DCAF4: variants seen among roughly 807,000 people sequenced by gnomAD.
DCAF4 encodes DDB1 and CUL4 associated factor 4.
DCAF4 carries 37 observed loss-of-function variants against 60.9 expected under a neutral mutation model. That is an observed-to-expected ratio of 0.61 (90% CI 0.47 to 0.80). DCAF4 has a LOEUF of 0.80. Ranked by LOEUF, DCAF4 falls within the 30% of genes least tolerant of loss-of-function variation. DCAF4 has a pLI of 0.00. For missense variants in DCAF4, 577 were observed against 650.0 expected, an observed-to-expected ratio of 0.89 and a Z score of 1.22; for synonymous variants, 243 against 254.8, an observed-to-expected ratio of 0.95 and a Z score of 0.44.
At chr14:72,952,023 T>C in intron 9 of DCAF4, 146 bp downstream of exon 9, 1 of 719,356 alleles carries the variant, frequency 1.4e-6, no homozygotes, top group Non-Finnish European at 2.2e-6. Context: ...CAGAAGCATG[T>C]GTTTTTTTTA....
rs1567326753 is a variant in DCAF4, at chr14:72,954,265, G to A, written c.907+3G>A. 1 of 1,614,204 alleles carries A rather than the reference G, an allele frequency of 6.2e-7. No homozygotes were observed. The highest frequency in any genetic ancestry group is 1.6e-4 in the Middle Eastern group (1 of 6,062). On this transcript the variant is annotated splice_donor_region_variant and intron_variant, in intron 10 of 13. Transcript: ENST00000358377. ...AGCAAATAACTGCTTCAGTACAGGTGAGCCTGGCTCCCCAGGTGCCCAGAG... is the reference window on the plus strand; with the variant it reads ...AGCAAATAACTGCTTCAGTACAGGTAAGCCTGGCTCCCCAGGTGCCCAGAG...
At chr14:72,961,403 C>T (rs1238890704), downstream of DCAF4, among the ~76,000 whole-genome samples, 1 of 152,204 alleles carries the variant, frequency 6.6e-6, no homozygotes, top group Non-Finnish European at 1.5e-5. Context: ...GTAAACCCTC[C>T]TCCCAGCCCA....
At chr14:72,937,158 C>G (rs1318828660) in intron 1 of DCAF4, among the ~76,000 whole-genome samples, 1 of 152,060 alleles carries the variant, frequency 6.6e-6, no homozygotes, top group African/African-American at 2.4e-5. Context: ...GGAACACTTA[C>G]AAATGAAAAA....
chr14:72,958,745 G>A lies in DCAF4; in HGVS notation c.1428G>A (p.Arg476=), dbSNP rs772975815. Reference sequence around the variant, plus strand: ...TCTCGTCGCGGCTGGGGGGCTCCCGGGGCGCGCCGGGGCTGCTCATGGCTG... The same window carrying A: ...TCTCGTCGCGGCTGGGGGGCTCCCGAGGCGCGCCGGGGCTGCTCATGGCTG... ...VAFSSRLGGS[R]GAPGLLMAVG... Residue 476 remains arginine, a synonymous_variant, in exon 14 of 14, where the codon CGG becomes CGA. Transcript: ENST00000358377. 5 of 1,609,956 alleles carry A rather than the reference G, an allele frequency of 3.1e-6. No homozygotes were observed. In the African/African-American group the frequency reaches 6.7e-5, roughly 22 times the overall value.
In DCAF4 at chr14:72,955,633, A is replaced by G; in HGVS notation, c.1116A>G (p.Ala372=). 1.2e-6 allele frequency: 2 copies of G among 1,614,186 alleles called. No individual in the cohort carries two copies. Among genetic ancestry groups the G allele is most frequent in the Non-Finnish European group, 1.7e-6 (2 of 1,180,030 alleles). ...CCACCCGCCTGTTTCATGATTCAGCAGTGACCTCTGTGCGGATCCTCCAAG... is the reference window on the plus strand; with the variant it reads ...CCACCCGCCTGTTTCATGATTCAGCGGTGACCTCTGTGCGGATCCTCCAAG... ...WKATRLFHDS[A]VTSVRILQDE... Residue 372 remains alanine, a synonymous_variant, in exon 12 of 14, where the codon GCA becomes GCG. Coordinates refer to ENST00000358377, the MANE Select transcript of DCAF4 (RefSeq NM_015604.4).
rs1263243792 is a variant in DCAF4, at chr14:72,958,914, TC to T, written c.*112del. The T allele has an allele frequency of 7.0e-7, 1 of 1,433,738 alleles. No individual in the cohort carries two copies. The highest frequency in any genetic ancestry group is 1.6e-5 in the South Asian group (1 of 62,796). 88.8% of individuals were successfully genotyped at this position (1,433,738 alleles called of 1,614,324 possible). A position where few individuals can be genotyped will look rare whatever the true frequency, so the allele number is the denominator to read the frequency against. Reference sequence around the variant, plus strand: ...TTAAGTGACACTCAGTGTACACAGATCCCATCCTCTGGCTGCTAGGAGAGAA... The same window carrying T: ...TTAAGTGACACTCAGTGTACACAGATCCATCCTCTGGCTGCTAGGAGAGAA... On this transcript the variant is annotated 3_prime_UTR_variant, in exon 14 of 14. Coordinates refer to ENST00000358377, the MANE Select transcript of DCAF4 (RefSeq NM_015604.4).
intron 1 of DCAF4, chr14:72,929,668 C>T: frequency 7.4e-7 from 1 of 1,349,008 alleles, no homozygotes; most frequent in South Asian, 1.2e-5. Flanking sequence ...CTCAGCTCCT[C>T]CCGCTTCCTC....
intron 6 of DCAF4, among the ~76,000 whole-genome samples, chr14:72,943,933 A>G (rs533812399): frequency 2.0e-5 from 3 of 152,284 alleles, no homozygotes; most frequent in African/African-American, 7.2e-5. Context: ...GGGCCCTTCC[A>G]TGTAAGGGGT....
chr14:72,942,913 G>T, intron 5 of DCAF4, 81 bp from the exon 6 acceptor site: 1 of 1,291,334 alleles, frequency 7.7e-7, no homozygotes, highest in Non-Finnish European at 1.1e-6. Context: ...GCGTCAGCGG[G>T]GCAGGGAAGG....
intron 6 of DCAF4, among the ~76,000 whole-genome samples, chr14:72,943,973 T>G (rs1396082288): frequency 6.6e-6 from 1 of 152,206 alleles, no homozygotes; most frequent in Non-Finnish European, 1.5e-5. Context: ...TTCTCCCATG[T>G]GGCTTTTCTC....
Position 72,958,729 on chromosome 14 carries a change from G to C in DCAF4, c.1412G>C (p.Arg471Pro), listed in dbSNP as rs781639820. 8 of 1,613,342 alleles carry C rather than the reference G, an allele frequency of 5.0e-6. No homozygotes were observed. The Admixed American group carries it at 5.0e-5, about 10-fold the overall frequency. Residue 471 changes from arginine (R) to proline (P), a missense_variant, in exon 14 of 14, where the codon CGG (arginine) becomes CCG (proline). Physicochemically the swap from Arg to Pro is moderately radical, Grantham distance 103. Transcript: ENST00000358377. Reference sequence around the variant, plus strand: ...ATTCCCAGTGTGGCCTTCTCGTCGCGGCTGGGGGGCTCCCGGGGCGCGCCG... The same window carrying C: ...ATTCCCAGTGTGGCCTTCTCGTCGCCGCTGGGGGGCTCCCGGGGCGCGCCG... ...ADIPSVAFSS[R>P]LGGSRGAPGL... is the part of the protein sequence containing the mutation.
chr14:72,950,603 G>T (rs1226386168), intron 8 of DCAF4, among the ~76,000 whole-genome samples: 3 of 152,140 alleles, frequency 2.0e-5, no homozygotes, highest in Non-Finnish European at 2.9e-5. Flanking sequence ...AACCGCGTCA[G>T]TCAAAAGACA....
At chr14:72,951,690 G>A in intron 8 of DCAF4, 108 bp from the exon 9 acceptor site, 1 of 947,504 alleles carries the variant, frequency 1.1e-6, no homozygotes, top group Non-Finnish European at 1.7e-6. Flanking sequence ...GACGGTGGGG[G>A]TTACTCTGGC....
chr14:72,954,363 C>T lies in DCAF4; in HGVS notation c.908-23C>T, dbSNP rs1356389660. 28 of 1,613,670 alleles carry T rather than the reference C, an allele frequency of 1.7e-5. No homozygotes were observed. In the East Asian group the frequency reaches 6.0e-4, roughly 35 times the overall value. On this transcript the variant is annotated intron_variant, in intron 10 of 13. Coordinates refer to ENST00000358377, the MANE Select transcript of DCAF4 (RefSeq NM_015604.4). Reference sequence around the variant, plus strand: ...CAGACTACATGTGACATAATCTTACCAGCCCATCTCTGTCTCCGCCAGGCT... The same window carrying T: ...CAGACTACATGTGACATAATCTTACTAGCCCATCTCTGTCTCCGCCAGGCT...
chr14:72,953,437 C>T (rs1009454152), intron 9 of DCAF4, among the ~76,000 whole-genome samples: 2 of 151,668 alleles, frequency 1.3e-5, no homozygotes, highest in Non-Finnish European at 2.9e-5. Flanking sequence ...TTTCGAAGCA[C>T]AGTGGCTCAT....
chr14:72,956,222 G>C (rs1892279594), intron 12 of DCAF4, among the ~76,000 whole-genome samples, 164 bp from the exon 13 acceptor site: 1 of 152,102 alleles, frequency 6.6e-6, no homozygotes, highest in African/African-American at 2.4e-5. Context: ...TGCCCGGCCT[G>C]GTTACATGCT....
intron 1 of DCAF4, among the ~76,000 whole-genome samples, chr14:72,936,914 C>T (rs1363284414): frequency 6.6e-6 from 1 of 152,186 alleles, no homozygotes; most frequent in Admixed American, 6.5e-5. Context: ...AAAGATATTA[C>T]AGAAGCCAAA....
Position 72,954,498 on chromosome 14 carries a change from G to C in DCAF4, c.1005+15G>C, listed in dbSNP as rs1426539066. On this transcript the variant is annotated intron_variant, in intron 11 of 13. Transcript: ENST00000358377. The stretch of plus-strand genomic sequence containing the variant: ...TTGCTCTCATGGTTGGTTGGATTGG[G>C]ACAGGCAGAATATAAAAGTTTGCCC... 1 of 1,613,574 alleles carries C rather than the reference G, an allele frequency of 6.2e-7. No homozygotes were observed. Among genetic ancestry groups the C allele is most frequent in the African/African-American group, 1.3e-5 (1 of 75,032 alleles).
chr14:72,934,115 G>C (rs1888935856), intron 1 of DCAF4, among the ~76,000 whole-genome samples: 1 of 149,000 alleles, frequency 6.7e-6, no homozygotes, highest in Non-Finnish European at 1.5e-5. Flanking sequence ...ATACCAAACA[G>C]CCTGCAGGCC....
Sources: allele counts gnomAD v4.1 joint callset (sites outside exome capture counted in the v4.1 genomes callset), GRCh38; gene constraint gnomAD v4.1.1; transcripts MANE v1.5; gene names NCBI Gene and HGNC (gene_info 2026-07-23, HGNC 2026-07-21).